Variants in IL18R1 observed in about 807,000 individuals in gnomAD.
The protein encoded by IL18R1 is interleukin-18 receptor 1.
IL18R1 carries 40 observed loss-of-function variants against 48.5 expected under a neutral mutation model. That is an observed-to-expected ratio of 0.82 (90% CI 0.64 to 1.07). The LOEUF is 1.07. Among genes scored for constraint, IL18R1 ranks in the 50% least tolerant of loss-of-function variants. The pLI is 0.00. For missense variants in IL18R1, 596 were observed against 633.7 expected, an observed-to-expected ratio of 0.94 and a Z score of 0.64; for synonymous variants, 232 against 225.9, an observed-to-expected ratio of 1.03 and a Z score of -0.24.
chr2:102,364,579 A>C (rs1052650097), intron 2 of IL18R1, among the ~76,000 whole-genome samples: 1 of 152,212 alleles, frequency 6.6e-6, no homozygotes, highest in Non-Finnish European at 1.5e-5. Flanking sequence ...ATTAGTATAA[A>C]ATAGAGATTG....
intron 1 of IL18R1, among the ~76,000 whole-genome samples, chr2:102,359,191 G>C (rs987564392): frequency 6.6e-6 from 1 of 152,076 alleles, no homozygotes; most frequent in African/African-American, 2.4e-5. Flanking sequence ...GTAATTAGTA[G>C]GTATTTGAGG....
Position 102,396,757 on chromosome 2 carries a change from G to A in IL18R1, c.1497G>A (p.Lys499=), listed in dbSNP as rs573633627. ...TTTTGAAATCTCACAGAGTTCTGAA[G>A]TGGAAGGCCGATAAATCTCTTTCTT... is the stretch of plus-strand genomic sequence containing the variant. ...LKLLKSHRVL[K]WKADKSLSYN... The change falls in exon 11 of 11, where the codon AAG becomes AAA. Residue 499 remains lysine (K), a synonymous_variant. Coordinates refer to ENST00000233957, the MANE Select transcript of IL18R1 (RefSeq NM_003855.5). 6.2e-6 allele frequency: 10 copies of A among 1,614,116 alleles called. No homozygotes were observed. The African/African-American group carries it at 9.3e-5, about 15-fold the overall frequency.
rs756396750 is a variant in IL18R1 at position 102,381,683 on chromosome 2, G to A, written c.688+1G>A. The A allele has an allele frequency of 1.9e-6, 3 of 1,601,136 alleles. No homozygotes were observed. In the Admixed American group the frequency reaches 5.0e-5, roughly 27 times the overall value. ...CTTAACCATGTTGCAGTGGAATTAG[G>A]TATATTTCAATATACATATATTCTG... On this transcript the variant is annotated splice_donor_variant, in intron 6 of 10. Transcript: ENST00000233957. LOFTEE classifies it high-confidence loss of function.
chr2:102,387,842 A>G (rs540671986), intron 8 of IL18R1, among the ~76,000 whole-genome samples: 1 of 152,202 alleles, frequency 6.6e-6, no homozygotes, highest in East Asian at 1.9e-4. Flanking sequence ...GACAGAGACA[A>G]ACAGACAACT....
chr2:102,388,814 A>G (rs571861243), intron 8 of IL18R1, among the ~76,000 whole-genome samples: 9 of 152,320 alleles, frequency 5.9e-5, no homozygotes, highest in African/African-American at 1.7e-4. Flanking sequence ...ATTAAACAAC[A>G]TTAGCTGCTT....
rs758012132 is a variant in IL18R1, at chr2:102,367,987, C to T, written c.221C>T (p.Ser74Leu). The T allele has an allele frequency of 7.4e-6, 12 of 1,614,026 alleles. No homozygotes were observed. The highest frequency in any genetic ancestry group is 2.2e-5 in the East Asian group (1 of 44,892). The change falls in exon 3 of 11, where the codon TCG becomes TTG. Residue 74 changes from serine to leucine, a missense_variant. Around this residue, in one of 3 missense-constraint regions of IL18R1, gnomAD observed 360 missense variants for 339.4 expected, o/e 1.06. Coordinates refer to ENST00000233957, the MANE Select transcript of IL18R1 (RefSeq NM_003855.5). ...GTGGAGCTGAACCCAAGGAGTTCCT[C>T]GAGAATTGCTTTGCATGATTGTGTT... ...EHVELNPRSS[S>L]RIALHDCVLE...
At position 102,362,981 on chromosome 2, in the gene IL18R1, T is replaced by C. The variant is rs556359450; in HGVS notation, c.58+263T>C. 8.0e-4 allele frequency: 217 copies of C among 270,784 alleles called. 3 individuals carry two copies. In the South Asian group the frequency reaches 0.011, roughly 14 times the overall value. The allele number at this position is 270,784 out of a possible 1,614,324, so 16.8% of individuals were successfully genotyped here. ...TCTTTATTATTGGGTTTTAGGAAGTTTGAAACACACTTTCTCCTTCCTGAG... is the reference window on the plus strand; with the variant it reads ...TCTTTATTATTGGGTTTTAGGAAGTCTGAAACACACTTTCTCCTTCCTGAG... On this transcript the variant is annotated intron_variant, in intron 2 of 10. Transcript: ENST00000233957.
At chr2:102,387,501 C>A (rs3771161) in intron 8 of IL18R1, among the ~76,000 whole-genome samples, 32,329 of 152,146 alleles carry the variant, frequency 0.21, 3,829 homozygotes, top group African/African-American at 0.31. Flanking sequence ...GATCTGTGGG[C>A]TCTTAAAGTT....
rs188483839 is a variant in IL18R1 at position 102,384,912 on chromosome 2, G to A, written c.723G>A (p.Leu241=). ...TAAGGCTCAACTGCTCTGCTTTGCT[G>A]AATGAAGAGGATGTAATTTATTGGA... ...KNVRLNCSAL[L]NEEDVIYWMF... is the part of the protein sequence containing the mutation. The change falls in exon 7 of 11, where the codon CTG becomes CTA. Residue 241 remains leucine (L), a synonymous_variant. Coordinates refer to ENST00000233957, the MANE Select transcript of IL18R1 (RefSeq NM_003855.5). 1 of 1,611,002 alleles carries A rather than the reference G, an allele frequency of 6.2e-7. No individual in the cohort carries two copies. Among genetic ancestry groups the A allele is most frequent in the East Asian group, 2.2e-5 (1 of 44,768 alleles).
chr2:102,387,093 G>GA, intron 8 of IL18R1, 93 bp downstream of exon 8: 1 of 1,343,420 alleles, frequency 7.4e-7, no homozygotes, highest in Non-Finnish European at 1.0e-6. Flanking sequence ...TTCCACACCA[G>GA]AACCCAGCTC....
intron 9 of IL18R1, among the ~76,000 whole-genome samples, chr2:102,393,017 T>C (rs971253050): frequency 6.6e-6 from 1 of 152,216 alleles, no homozygotes; most frequent in Non-Finnish European, 1.5e-5. Context: ...GAAAAGCTAA[T>C]TTTTCATAGG....
At chr2:102,365,205 G>A (rs551713867) in intron 2 of IL18R1, among the ~76,000 whole-genome samples, 2 of 152,258 alleles carry the variant, frequency 1.3e-5, no homozygotes, top group Non-Finnish European at 2.9e-5. Flanking sequence ...CTATGAGTCA[G>A]TAAATTCAAG....
At chr2:102,373,051 T>A (rs1679362903) in intron 4 of IL18R1, among the ~76,000 whole-genome samples, 1 of 152,116 alleles carries the variant, frequency 6.6e-6, no homozygotes, top group Non-Finnish European at 1.5e-5. Context: ...CACAGGGAAA[T>A]AATGGTCCCA....
intron 7 of IL18R1, among the ~76,000 whole-genome samples, chr2:102,386,469 T>A (rs752377885): frequency 7.9e-5 from 12 of 152,242 alleles, no homozygotes; most frequent in Non-Finnish European, 1.3e-4. Flanking sequence ...AATCTGCATC[T>A]ATGCTAAACA....
intron 7 of IL18R1, among the ~76,000 whole-genome samples, chr2:102,386,409 G>A (rs1573222922): frequency 6.6e-6 from 1 of 152,302 alleles, no homozygotes; most frequent in African/African-American, 2.4e-5. Flanking sequence ...GTTTTTTAAT[G>A]CTGAACACAT....
At chr2:102,392,131 C>T (rs1184887785) in intron 9 of IL18R1, among the ~76,000 whole-genome samples, 1 of 152,134 alleles carries the variant, frequency 6.6e-6, no homozygotes, top group South Asian at 2.1e-4. Flanking sequence ...TCAAGTTATA[C>T]AAAAATTATA....
At chr2:102,390,711 A>G (rs1385331616) in intron 9 of IL18R1, among the ~76,000 whole-genome samples, 1 of 152,124 alleles carries the variant, frequency 6.6e-6, no homozygotes, top group Non-Finnish European at 1.5e-5. Context: ...AGACGGGCAG[A>G]TCACGAGGTC....
At chr2:102,386,763 G>T (rs958897646) in intron 7 of IL18R1, 98 bp from the exon 8 acceptor site, 38 of 1,197,650 alleles carry the variant, frequency 3.2e-5, no homozygotes, top group Middle Eastern at 2.2e-4. Flanking sequence ...AATAATGCAG[G>T]CAACATCACA....
chr2:102,389,801 C>G lies in IL18R1; in HGVS notation c.950-255C>G, dbSNP rs55673301. On this transcript the variant is annotated intron_variant, in intron 8 of 10. Coordinates refer to ENST00000233957, the MANE Select transcript of IL18R1 (RefSeq NM_003855.5). The stretch of plus-strand genomic sequence containing the variant: ...GATTTCCACGGGTACGGATAGAATA[C>G]ATTACTGTGTAATGTTTTCACTTCA... Among the ~76,000 whole-genome samples, 5 of 152,286 alleles carry G rather than the reference C, an allele frequency of 3.3e-5. No homozygotes were observed. In the East Asian group the frequency reaches 7.7e-4, roughly 23 times the overall value.
Sources: gnomAD v4.1 joint callset for allele counts (sites outside exome capture counted in the v4.1 genomes callset) on GRCh38, gnomAD v4.1.1 for gene constraint, gnomAD v4.1.1 regional missense constraint, MANE v1.5 for transcripts, NCBI Gene and HGNC (gene_info 2026-07-23, HGNC 2026-07-21) for gene names.